Variants in UPP2 observed in about 807,000 individuals in gnomAD.
UPP2 encodes the protein uridine phosphorylase 2.
Under a neutral mutation model 26.7 loss-of-function variants are expected in UPP2, and 23 were observed. The observed-to-expected ratio is 0.86, with a 90% CI of 0.62 to 1.22. UPP2 has a LOEUF of 1.22. Among genes scored for constraint, UPP2 ranks in the 50% most tolerant of loss-of-function variants. The probability of loss-of-function intolerance (pLI) is 0.00; values close to 1 mark genes in which losing one functional copy is unlikely to be tolerated. For missense variants in UPP2, 387 were observed against 396.7 expected (o/e 0.98, Z 0.21); for synonymous variants, 127 against 141.3 (o/e 0.90, Z 0.72).
intron 2 of UPP2, among the ~76,000 whole-genome samples, chr2:158,009,787 T>TA (rs2105139911): frequency 6.6e-6 from 1 of 152,372 alleles, no homozygotes; most frequent in African/African-American, 2.4e-5. Context: ...TGAATGGGCA[T>TA]TCTCCTGCGG....
intron 2 of UPP2, among the ~76,000 whole-genome samples, chr2:158,112,587 A>C (rs1181991411): frequency 6.6e-6 from 1 of 152,286 alleles, no homozygotes; most frequent in East Asian, 1.9e-4. Flanking sequence ...GCAATAAAAT[A>C]AAAATAAATA....
intron 3 of UPP2, among the ~76,000 whole-genome samples, chr2:158,055,125 G>A (rs980025807): frequency 4.6e-5 from 7 of 152,182 alleles, no homozygotes; most frequent in African/African-American, 1.4e-4. Flanking sequence ...TCTGGAGGCC[G>A]GAAAGTCCAA....
At chr2:158,057,080 C>A (rs967772346) in intron 3 of UPP2, among the ~76,000 whole-genome samples, 1 of 152,132 alleles carries the variant, frequency 6.6e-6, no homozygotes, top group South Asian at 2.1e-4. Flanking sequence ...GTGTTACTGG[C>A]AGGAAGGTCA....
At chr2:158,102,379 C>G (rs1683095308) in intron 1 of UPP2, among the ~76,000 whole-genome samples, 1 of 152,100 alleles carries the variant, frequency 6.6e-6, no homozygotes, top group Non-Finnish European at 1.5e-5. Flanking sequence ...AAAAAACATG[C>G]AAAAGTTTAG....
chr2:158,071,988 A>T (rs1232297454), intron 3 of UPP2, among the ~76,000 whole-genome samples: 2 of 152,132 alleles, frequency 1.3e-5, no homozygotes. Flanking sequence ...TTAGGTACGT[A>T]TTTGGCTACA....
chr2:158,005,774 G>T (rs565952029), intron 2 of UPP2, among the ~76,000 whole-genome samples: 16 of 152,220 alleles, frequency 1.1e-4, no homozygotes, highest in African/African-American at 3.6e-4. Flanking sequence ...GGGCTCTTCC[G>T]GCTTACAGCT....
intron 3 of UPP2, among the ~76,000 whole-genome samples, chr2:158,067,656 C>T (rs1366931012): frequency 3.4e-5 from 2 of 58,450 alleles, no homozygotes; most frequent in Admixed American, 1.8e-4. Flanking sequence ...TTACCATGCC[C>T]ATTTTTTTAT....
chr2:158,011,102 A>G (rs2105141059), intron 2 of UPP2, among the ~76,000 whole-genome samples: 1 of 152,180 alleles, frequency 6.6e-6, no homozygotes, highest in Non-Finnish European at 1.5e-5. Flanking sequence ...CTGATCTGGC[A>G]CCTGTCTGCT....
intron 2 of UPP2, among the ~76,000 whole-genome samples, chr2:158,111,433 A>C (rs1215104853): frequency 6.6e-6 from 1 of 152,080 alleles, no homozygotes; most frequent in African/African-American, 2.4e-5. Context: ...TGCATGGTCT[A>C]TATTTTTCCA....
At chr2:158,040,836 C>T (rs1395433781) in intron 3 of UPP2, among the ~76,000 whole-genome samples, 1 of 152,168 alleles carries the variant, frequency 6.6e-6, no homozygotes, top group Non-Finnish European at 1.5e-5. Context: ...GATTTAGGGA[C>T]AGAAGATCTG....
At position 158,132,763 on chromosome 2, in the gene UPP2, TA is replaced by T. The variant is rs964883484; in HGVS notation, c.812-1977del. Among the ~76,000 whole-genome samples, 5 of 151,630 alleles carry T rather than the reference TA, an allele frequency of 3.3e-5. No homozygotes were observed. The East Asian group carries it at 5.8e-4, about 18-fold the overall frequency. The stretch of plus-strand genomic sequence containing the variant: ...ACATACAAAAGGCCAACAGATATAT[TA>T]AAAAAAACACTCAACCTCACTAGTC... On this transcript the variant is annotated intron_variant, in intron 6 of 6. Coordinates refer to ENST00000005756, the MANE Select transcript of UPP2 (RefSeq NM_173355.4).
chr2:158,091,660 C>T (rs1049136719), intron 3 of UPP2, among the ~76,000 whole-genome samples: 5 of 152,148 alleles, frequency 3.3e-5, no homozygotes, highest in African/African-American at 1.2e-4. Flanking sequence ...TGCTGATCTT[C>T]GTGGGCTTGC....
chr2:158,056,789 A>G (rs1393476748), intron 3 of UPP2, among the ~76,000 whole-genome samples: 1 of 152,168 alleles, frequency 6.6e-6, no homozygotes, highest in African/African-American at 2.4e-5. Context: ...CACTGCAATG[A>G]CCTTATTTTC....
rs1163455069 is a variant in UPP2, at chr2:158,134,909, C to G, written c.*19C>G. ...TGACTAGACGTCCTAACTGGGCAGC[C>G]CAACCCTCCCCTGCAAGTTTGTAGC... On this transcript the variant is annotated 3_prime_UTR_variant, in exon 7 of 7. Transcript: ENST00000005756. 5.0e-6 allele frequency: 8 copies of G among 1,593,502 alleles called. No homozygotes were observed. The highest frequency in any genetic ancestry group is 3.4e-5 in the South Asian group (3 of 87,746).
At chr2:158,090,592 ATAAAT>A (rs1682896550) in intron 3 of UPP2, among the ~76,000 whole-genome samples, 1 of 152,246 alleles carries the variant, frequency 6.6e-6, no homozygotes, top group African/African-American at 2.4e-5. Flanking sequence ...GCAATTAAAA[ATAAAT>A]TTAAAAAAAT....
chr2:158,109,327 A>AT (rs1173629237), intron 2 of UPP2, among the ~76,000 whole-genome samples: 1 of 152,112 alleles, frequency 6.6e-6, no homozygotes, highest in African/African-American at 2.4e-5. Context: ...ATATTTAAAA[A>AT]TTTTTGCTAC....
chr2:158,130,286 C>T (rs985086719), intron 6 of UPP2, among the ~76,000 whole-genome samples: 18 of 151,658 alleles, frequency 1.2e-4, no homozygotes, highest in African/African-American at 3.4e-4. Context: ...ACTACAAATA[C>T]GAAAAAAACC....
chr2:158,004,606 C>T (rs1428403948), intron 2 of UPP2, among the ~76,000 whole-genome samples: 1 of 152,146 alleles, frequency 6.6e-6, no homozygotes, highest in Non-Finnish European at 1.5e-5. Context: ...AGGCTCTCCC[C>T]TCATGAAGCT....
intron 3 of UPP2, among the ~76,000 whole-genome samples, chr2:158,116,644 G>T (rs76178340): frequency 6.6e-6 from 1 of 152,172 alleles, no homozygotes; most frequent in African/African-American, 2.4e-5. Context: ...TTATCAATGC[G>T]TAACATAATA....
Sources: allele counts gnomAD v4.1 joint callset (sites outside exome capture counted in the v4.1 genomes callset), GRCh38; gene constraint gnomAD v4.1.1; transcripts MANE v1.5; gene names NCBI Gene and HGNC (gene_info 2026-07-23, HGNC 2026-07-21).